ABTB2: variants seen among roughly 807,000 people sequenced by gnomAD.
The protein encoded by ABTB2 is ankyrin repeat and BTB domain containing 2, also known as ankyrin repeat and BTB/POZ domain-containing protein 2.
ABTB2 carries 56 observed loss-of-function variants against 104.1 expected under a neutral mutation model. The observed-to-expected ratio is 0.54, with a 90% confidence interval of 0.43 to 0.67. ABTB2 has a LOEUF of 0.67. ABTB2 is among the 30% of genes least tolerant of loss of function. The pLI is 0.00. For synonymous variants in ABTB2, 606 were observed against 608.2 expected (o/e 1.00, Z 0.05); for missense variants, 1,279 against 1,407.7 (o/e 0.91, Z 1.46).
intron 4 of ABTB2, among the ~76,000 whole-genome samples, chr11:34,172,451 T>TAGATAGAC (rs1554980704): frequency 1.1e-4 from 12 of 113,512 alleles, no homozygotes; most frequent in Non-Finnish European, 1.7e-4. Flanking sequence ...GATAGATAGA[T>TAGATAGAC]AGATAGATAG....
At chr11:34,165,008 C>T (rs1852778688) in intron 8 of ABTB2, among the ~76,000 whole-genome samples, 187 bp from the exon 9 acceptor site, 1 of 152,228 alleles carries the variant, frequency 6.6e-6, no homozygotes, top group African/African-American at 2.4e-5. Context: ...TGCCCTGCCC[C>T]TGCTCCCCCT....
chr11:34,170,863 C>G, intron 5 of ABTB2, 43 bp downstream of exon 5: 2 of 1,595,008 alleles, frequency 1.3e-6, no homozygotes, highest in Non-Finnish European at 1.7e-6. Context: ...GAATTCCCAA[C>G]TCTGGTCCTC....
intron 1 of ABTB2, among the ~76,000 whole-genome samples, chr11:34,235,517 A>G (rs10768053): frequency 0.29 from 43,384 of 152,100 alleles, 6,910 homozygotes; most frequent in Admixed American, 0.38. Flanking sequence ...GAACCCCACA[A>G]TAAACTGCTA....
Position 34,232,002 on chromosome 11 carries a change from T to C in ABTB2, c.884-27312A>G, listed in dbSNP as rs117035739. 8.2e-4 allele frequency among the ~76,000 whole-genome samples: 125 copies of C among 152,190 alleles called. 1 individual carries two copies. In the East Asian group the frequency reaches 0.02, roughly 25 times the overall value. On this transcript the variant is annotated intron_variant, in intron 1 of 16. Coordinates refer to ENST00000435224, the MANE Select transcript of ABTB2 (RefSeq NM_145804.3). ...TCTAAGGACATATAACAACTAAATA[T>C]GGCATGGGTTCCTGAGACAGAAAAA... is the stretch of plus-strand genomic sequence containing the variant.
rs1295301906 is a variant in ABTB2, at chr11:34,357,103, C to A, written c.481G>T (p.Ala161Ser). ...GCCCAGCTGTGCACCAGGCGCACGG[C>A]GCTCTGCACCTCAAAGCGGGTGCAC... The part of the protein sequence containing the change: ...AKCTRFEVQS[A>S]VRLVHSWALA... The change falls in exon 1 of 17, where the codon GCC (alanine) becomes TCC (serine). Residue 161 changes from alanine (A) to serine (S), a missense_variant. Transcript: ENST00000435224. 5.5e-5 allele frequency: 83 copies of A among 1,515,518 alleles called. No individual in the cohort carries two copies. Among genetic ancestry groups the A allele is most frequent in the Non-Finnish European group, 7.3e-5 (83 of 1,136,554 alleles). 93.9% of individuals were successfully genotyped at this position (1,515,518 alleles called of 1,614,324 possible).
intron 1 of ABTB2, among the ~76,000 whole-genome samples, chr11:34,224,454 T>G (rs1221327537): frequency 6.6e-6 from 1 of 152,212 alleles, no homozygotes; most frequent in Non-Finnish European, 1.5e-5. Flanking sequence ...ACTGCAATGC[T>G]GATGACTGCA....
intron 1 of ABTB2, among the ~76,000 whole-genome samples, chr11:34,257,359 A>G (rs760420042): frequency 2.6e-5 from 4 of 152,226 alleles, no homozygotes; most frequent in Non-Finnish European, 4.4e-5. Flanking sequence ...AGAGCGCCAC[A>G]TCTCCAGGAG....
intron 1 of ABTB2, among the ~76,000 whole-genome samples, chr11:34,232,467 T>C (rs2955950): frequency 0.69 from 97,517 of 141,064 alleles, 34,127 homozygotes; most frequent in Middle Eastern, 0.81. Flanking sequence ...AAAAAAAAAA[T>C]TGTTCTTAAA....
intron 1 of ABTB2, 137 bp from the exon 2 acceptor site, chr11:34,204,827 G>T: frequency 9.9e-7 from 1 of 1,009,892 alleles, no homozygotes; most frequent in Non-Finnish European, 1.4e-6. Flanking sequence ...ATCTCTCTGA[G>T]CCTTGAGGAC....
At chr11:34,331,702 T>C (rs2133117167) in intron 1 of ABTB2, among the ~76,000 whole-genome samples, 1 of 152,322 alleles carries the variant, frequency 6.6e-6, no homozygotes, top group African/African-American at 2.4e-5. Context: ...CCATCCAGCC[T>C]CTTTCACTCA....
chr11:34,269,088 G>A (rs1038793624), intron 1 of ABTB2, among the ~76,000 whole-genome samples: 1 of 152,200 alleles, frequency 6.6e-6, no homozygotes, highest in African/African-American at 2.4e-5. Context: ...TGTGGCCAAG[G>A]AGAGGAAGCA....
rs763484799 is a variant in ABTB2, at chr11:34,160,915, G to T, written c.2385C>A (p.Leu795=). Residue 795 remains leucine, a synonymous_variant, in exon 11 of 17, where the codon CTC becomes CTA. Transcript: ENST00000435224. Reference sequence around the variant, plus strand: ...TGGCCACACTTACTTTGCTGGTCTTGAGGATGTCGAACATGAGCTGCAAGC... The same window carrying T: ...TGGCCACACTTACTTTGCTGGTCTTTAGGATGTCGAACATGAGCTGCAAGC... ...TEGLQLMFDI[L]KTSKNDSVIQ... is the part of the protein sequence containing the mutation. The T allele has an allele frequency of 6.2e-7, 1 of 1,608,862 alleles. No individual in the cohort carries two copies. The highest frequency in any genetic ancestry group is 1.1e-5 in the South Asian group (1 of 90,538).
intron 1 of ABTB2, among the ~76,000 whole-genome samples, chr11:34,274,014 C>T (rs988924540): frequency 1.1e-4 from 17 of 149,970 alleles, no homozygotes; most frequent in African/African-American, 2.0e-4. Flanking sequence ...TAGCCGGGCA[C>T]GGTGGCGGGC....
chr11:34,315,691 C>G lies in ABTB2; in HGVS notation c.883+41010G>C, dbSNP rs899163299. Among the ~76,000 whole-genome samples the G allele has an allele frequency of 2.6e-5, 4 of 152,192 alleles. 1 individual carries two copies. Among genetic ancestry groups the G allele is most frequent in the African/African-American group, 9.7e-5 (4 of 41,438 alleles). On this transcript the variant is annotated intron_variant, in intron 1 of 16. Coordinates refer to ENST00000435224, the MANE Select transcript of ABTB2 (RefSeq NM_145804.3). The stretch of plus-strand genomic sequence containing the variant: ...AAGGGCACATTCTGGCTGGCCGTAG[C>G]CCGGAGGCTTTACTGTGGTAAGTAT...
intron 1 of ABTB2, chr11:34,335,199 A>C (rs1357212959): frequency 2.3e-5 from 29 of 1,266,042 alleles, no homozygotes; most frequent in Non-Finnish European, 3.2e-5. Context: ...GGTACCCCAG[A>C]GACTATGACG....
chr11:34,290,217 CA>C (rs1800221575), intron 1 of ABTB2, among the ~76,000 whole-genome samples: 1 of 152,206 alleles, frequency 6.6e-6, no homozygotes, highest in Non-Finnish European at 1.5e-5. Context: ...TTCTAGATTA[CA>C]TTTGTATCAA....
At chr11:34,291,422 T>A (rs1461775272) in intron 1 of ABTB2, among the ~76,000 whole-genome samples, 1 of 152,194 alleles carries the variant, frequency 6.6e-6, no homozygotes, top group African/African-American at 2.4e-5. Context: ...GATCACAGAG[T>A]AGAACAGAGA....
chr11:34,169,804 C>T (rs548586286), intron 5 of ABTB2, among the ~76,000 whole-genome samples: 1 of 152,278 alleles, frequency 6.6e-6, no homozygotes, highest in Admixed American at 6.5e-5. Context: ...CCCTGGAATC[C>T]CTTCCTGACT....
At chr11:34,243,814 C>T (rs1458019334) in intron 1 of ABTB2, among the ~76,000 whole-genome samples, 1 of 152,152 alleles carries the variant, frequency 6.6e-6, no homozygotes, top group African/African-American at 2.4e-5. Context: ...CACGGTTCTT[C>T]GCAGACACAC....
Sources: allele counts gnomAD v4.1 joint callset (sites outside exome capture counted in the v4.1 genomes callset), GRCh38; gene constraint gnomAD v4.1.1; transcripts MANE v1.5; gene names NCBI Gene and HGNC (gene_info 2026-07-23, HGNC 2026-07-21).